Variants in DLG4 observed in about 807,000 individuals in gnomAD.
The protein encoded by DLG4 is disks large homolog 4.
A neutral mutation model predicts 93.8 loss-of-function variants in DLG4; 7 were observed. The observed-to-expected ratio is 0.07, with a 90% CI of 0.04 to 0.14. The LOEUF (loss-of-function observed/expected upper bound fraction) is 0.14, where lower values mean the gene tolerates loss of function less well. Among genes scored for constraint, DLG4 ranks in the 10% least tolerant of loss-of-function variants. DLG4 has a pLI of 1.00. For missense variants in DLG4, 545 were observed against 992.9 expected (o/e 0.55, Z 6.06); for synonymous variants, 341 against 387.6 (o/e 0.88, Z 1.41).
upstream of DLG4, chr17:7,219,422 G>A (rs995669684): frequency 2.0e-6 from 2 of 1,018,290 alleles, no homozygotes; most frequent in Admixed American, 5.3e-5. Context: ...AACTGTAGCT[G>A]TTCCAAGAGT....
Position 7,196,515 on chromosome 17 carries a change from C to T in DLG4, c.1144G>A (p.Ala382Thr). Residue 382 changes from alanine (A) to threonine (T), a missense_variant, in exon 10 of 20, where the codon GCG (alanine) becomes ACG (threonine). Ala to Thr is a moderately conservative substitution (Grantham distance 58, BLOSUM62 0). Transcript: ENST00000399506. The surrounding 1 kb of genome is among the most constrained non-coding windows in gnomAD (Gnocchi z 8.3). ...HEQAAIALKN[A>T]GQTVTIIAQY... ...GCGATGATCGTGACCGTCTGACCCG[C>T]ATTCTTCAGGGCAATGGCAGCCTGC... 1 of 1,614,044 alleles carries T rather than the reference C, an allele frequency of 6.2e-7. No homozygotes were observed. The highest frequency in any genetic ancestry group is 8.5e-7 in the Non-Finnish European group (1 of 1,179,900).
At chr17:7,207,507 C>T (rs940357300) in intron 2 of DLG4, among the ~76,000 whole-genome samples, 2 of 151,038 alleles carry the variant, frequency 1.3e-5, no homozygotes, top group East Asian at 2.0e-4. Flanking sequence ...GGGGACAGGG[C>T]GAGCCAGGCC....
At position 7,196,192 on chromosome 17, in the gene DLG4, G is replaced by C. The variant is rs752738893; in HGVS notation, c.1301+28C>G. 6.4e-7 allele frequency: 1 copy of C among 1,570,250 alleles called. No homozygotes were observed. The highest frequency in any genetic ancestry group is 1.4e-5 in the African/African-American group (1 of 73,948). ...GAGTGCCCAGGAACGCAGAGGGGCT[G>C]AGGAGTCCAGCCCGGGAAGCCTCTG... On this transcript the variant is annotated intron_variant, in intron 11 of 19. Transcript: ENST00000399506. This position sits in a 1 kb window ranked among gnomAD's most constrained non-coding sequence, Gnocchi z 8.3.
intron 1 of DLG4, 130 bp downstream of exon 1, chr17:7,216,988 T>C: frequency 1.1e-6 from 1 of 911,054 alleles, no homozygotes; most frequent in Non-Finnish European, 1.5e-6. Context: ...CAAAACTAAA[T>C]TAAGACCCCC....
chr17:7,197,195 G>C (rs1186140875), intron 8 of DLG4, 143 bp from the exon 9 acceptor site: 6 of 783,190 alleles, frequency 7.7e-6, no homozygotes, highest in Non-Finnish European at 1.2e-5. Context: ...GTGGTAAGGG[G>C]ATATCAGATC....
At chr17:7,198,457 T>C (rs1233665920) in intron 8 of DLG4, among the ~76,000 whole-genome samples, 1 of 135,056 alleles carries the variant, frequency 7.4e-6, no homozygotes, top group Non-Finnish European at 1.5e-5. Context: ...CACTCCAGCC[T>C]GGGTGACAGA....
rs773110636 is a variant in DLG4 at position 7,203,557 on chromosome 17, G to A, written c.372C>T (p.Asp124=). 7 of 1,612,740 alleles carry A rather than the reference G, an allele frequency of 4.3e-6. No homozygotes were observed. Among genetic ancestry groups the A allele is most frequent in the East Asian group, 2.2e-5 (1 of 44,834 alleles). The change falls in exon 6 of 20, where the codon GAC becomes GAT. Residue 124 remains aspartate (D), a synonymous_variant. Transcript: ENST00000399506. This position sits in a 1 kb window ranked among gnomAD's most constrained non-coding sequence, Gnocchi z 7.2. The part of the protein sequence containing the change: ...NDSILFVNEV[D]VREVTHSAAV... ...CCGCTGAGTGGGTCACCTCGCGCAC[G>A]TCCACTTCATTTACAAACAGGATGC...
rs1268393477 is a variant in DLG4 at position 7,195,948 on chromosome 17, G to C, written c.1301+272C>G. Among the ~76,000 whole-genome samples the C allele has an allele frequency of 1.3e-5, 2 of 152,220 alleles. No individual in the cohort carries two copies. Among genetic ancestry groups the C allele is most frequent in the African/African-American group, 4.8e-5 (2 of 41,468 alleles). ...ATTAACCTTCGAGACGCCAAATTGT[G>C]GGGTGGCCTGGGAGTCCCGGGGAAG... On this transcript the variant is annotated intron_variant, in intron 11 of 19. Coordinates refer to ENST00000399506, the MANE Select transcript of DLG4 (RefSeq NM_001321075.3). This position sits in a 1 kb window ranked among gnomAD's most constrained non-coding sequence, Gnocchi z 4.3.
Position 7,204,879 on chromosome 17 carries a change from C to T in DLG4, c.97-627G>A, listed in dbSNP as rs188910184. ...TCACCAACCAGCCGTCCAATCCACC[C>T]CTTCCTCTAAGGACCGTGTTGCCTA... is the stretch of plus-strand genomic sequence containing the variant. On this transcript the variant is annotated intron_variant, in intron 2 of 19. Coordinates refer to ENST00000399506, the MANE Select transcript of DLG4 (RefSeq NM_001321075.3). 1.2e-5 allele frequency: 11 copies of T among 921,012 alleles called. No individual in the cohort carries two copies. In the East Asian group the frequency reaches 8.2e-4, roughly 69 times the overall value. The allele number at this position is 921,012 out of a possible 1,614,324, so 57.1% of individuals were successfully genotyped here. A position where few individuals can be genotyped will look rare whatever the true frequency, so the allele number is the denominator to read the frequency against.
At chr17:7,202,831 T>A in intron 8 of DLG4, 72 bp downstream of exon 8, 2 of 1,574,492 alleles carry the variant, frequency 1.3e-6, no homozygotes, top group Non-Finnish European at 1.7e-6. Context: ...GCTACAGGGA[T>A]GTCGTGGGAC....
chr17:7,190,945 C>T (rs2069457891), intron 19 of DLG4, 131 bp from the exon 20 acceptor site: 2 of 706,524 alleles, frequency 2.8e-6, no homozygotes, highest in South Asian at 1.7e-5. Context: ...GGGGCTGCAC[C>T]CGCCCACAGG....
intron 1 of DLG4, among the ~76,000 whole-genome samples, chr17:7,216,012 G>A (rs1258555837): frequency 6.6e-6 from 1 of 151,094 alleles, no homozygotes; most frequent in Non-Finnish European, 1.5e-5. Flanking sequence ...CCAGGAGCTC[G>A]CCTGTGCTCC....
chr17:7,201,106 C>T (rs1944189180), intron 8 of DLG4, among the ~76,000 whole-genome samples: 1 of 152,206 alleles, frequency 6.6e-6, no homozygotes, highest in Non-Finnish European at 1.5e-5. Flanking sequence ...TCAGGTGATC[C>T]GCCCGCCTTG....
chr17:7,196,109 G>A lies in DLG4; in HGVS notation c.1301+111C>T. The A allele has an allele frequency of 1.3e-6, 1 of 743,200 alleles. No individual in the cohort carries two copies. The highest frequency in any genetic ancestry group is 1.8e-5 in the South Asian group (1 of 56,946). The allele number at this position is 743,200 out of a possible 1,614,324, so 46.0% of individuals were successfully genotyped here. The stretch of plus-strand genomic sequence containing the variant: ...CCTGGCTGCGCCTCAGGCCTGGGGT[G>A]GGGAGCTAGAGCAGGCAGGGTGGAG... On this transcript the variant is annotated intron_variant, in intron 11 of 19. Coordinates refer to ENST00000399506, the MANE Select transcript of DLG4 (RefSeq NM_001321075.3). The surrounding 1 kb of genome is among the most constrained non-coding windows in gnomAD (Gnocchi z 8.3).
intron 1 of DLG4, among the ~76,000 whole-genome samples, chr17:7,209,933 A>G (rs2070643008): frequency 6.6e-6 from 1 of 151,872 alleles, no homozygotes. Flanking sequence ...TCCTAGCTAC[A>G]TGGGAGGCTG....
At position 7,194,143 on chromosome 17, in the gene DLG4, C is replaced by T; in HGVS notation, c.1479-143G>A. ...CTGCAGCCCTGGACACTGTGCTCCT[C>T]AATAAGGAGTTGTCCTTCCCAAAGG... On this transcript the variant is annotated intron_variant, in intron 12 of 19. Coordinates refer to ENST00000399506, the MANE Select transcript of DLG4 (RefSeq NM_001321075.3). The surrounding 1 kb of genome is among the most constrained non-coding windows in gnomAD (Gnocchi z 4.4). 7.4e-7 allele frequency: 1 copy of T among 1,343,418 alleles called. No homozygotes were observed. Among genetic ancestry groups the T allele is most frequent in the Non-Finnish European group, 1.0e-6 (1 of 985,842 alleles). 83.2% of individuals were successfully genotyped at this position (1,343,418 alleles called of 1,614,324 possible).
rs1448142533 is a variant in DLG4, at chr17:7,217,256, A to AG, written c.-110dup. The AG allele has an allele frequency of 9.6e-6, 10 of 1,039,950 alleles. No individual in the cohort carries two copies. Among genetic ancestry groups the AG allele is most frequent in the South Asian group, 4.1e-5 (1 of 24,622 alleles). 64.4% of individuals were successfully genotyped at this position (1,039,950 alleles called of 1,614,324 possible). On this transcript the variant is annotated 5_prime_UTR_variant, in exon 1 of 20. Transcript: ENST00000399506. The stretch of plus-strand genomic sequence containing the variant: ...TCCCCCCTCCGCACCCCACTTTTGC[A>AG]GGGGGGGCCAGGATGGGGGGAGGGG...
At chr17:7,214,930 A>C (rs1285051098) in intron 1 of DLG4, among the ~76,000 whole-genome samples, 2 of 152,186 alleles carry the variant, frequency 1.3e-5, no homozygotes, top group Non-Finnish European at 1.5e-5. Context: ...AGGAGTCTAA[A>C]TATAGGCAAT....
intron 2 of DLG4, chr17:7,205,238 C>T: frequency 2.2e-6 from 2 of 910,802 alleles, no homozygotes; most frequent in Non-Finnish European, 2.6e-6. Flanking sequence ...ACTCCCTCCC[C>T]CCACTTCATT....
Sources: gnomAD v4.1 joint callset for allele counts (sites outside exome capture counted in the v4.1 genomes callset) on GRCh38, gnomAD v4.1.1 for gene constraint, Gnocchi (gnomAD v3.1) non-coding constraint, MANE v1.5 for transcripts, NCBI Gene and HGNC (gene_info 2026-07-23, HGNC 2026-07-21) for gene names.